The following HSDL1 variants were observed in gnomAD, a reference collection of about 807,000 sequenced individuals.
HSDL1 encodes hydroxysteroid dehydrogenase like 1.
HSDL1 carries 29 observed loss-of-function variants against 31.5 expected under a neutral mutation model. The ratio of observed to expected loss-of-function variants is 0.92; its 90% CI spans 0.69 to 1.26. The LOEUF (loss-of-function observed/expected upper bound fraction) is 1.26. Among genes scored for constraint, HSDL1 ranks in the 50% most tolerant of loss-of-function variants. The probability of loss-of-function intolerance (pLI) is 0.00; values close to 1 mark genes in which losing one functional copy is unlikely to be tolerated. For missense variants in HSDL1, 503 were observed against 416.6 expected (o/e 1.21, Z -1.81); for synonymous variants, 222 against 155.2 (o/e 1.43, Z -3.20).
rs1403595871 is a variant in HSDL1 at position 84,123,716 on chromosome 16, C to A, written c.*914G>T. 6.6e-6 allele frequency: 1 copy of A among 152,502 alleles called. No homozygotes were observed. Among genetic ancestry groups the A allele is most frequent in the Non-Finnish European group, 1.5e-5 (1 of 68,018 alleles). The allele number at this position is 152,502 out of a possible 1,614,324, so 9.4% of individuals were successfully genotyped here. The stretch of plus-strand genomic sequence containing the variant: ...AAAAACGTAGGAAAACCAGATATAA[C>A]AAGCTCTAAAGGGCTAAATTTCAGT... On this transcript the variant is annotated 3_prime_UTR_variant, in exon 6 of 6. Coordinates refer to ENST00000219439, the MANE Select transcript of HSDL1 (RefSeq NM_031463.5).
chr16:84,126,344 C>T (rs2086606676), intron 5 of HSDL1, among the ~76,000 whole-genome samples: 1 of 151,996 alleles, frequency 6.6e-6, no homozygotes, highest in African/African-American at 2.4e-5. Flanking sequence ...CAGGGTCTCA[C>T]TCAGGGCCTT....
At position 84,130,374 on chromosome 16, in the gene HSDL1, T is replaced by C. The variant is rs576079812; in HGVS notation, c.278A>G (p.Asn93Ser). 3.7e-6 allele frequency: 6 copies of C among 1,614,056 alleles called. No homozygotes were observed. Among genetic ancestry groups the C allele is most frequent in the South Asian group, 3.3e-5 (3 of 91,072 alleles). Residue 93 changes from asparagine (N) to serine (S), a missense_variant, in exon 4 of 6, where the codon AAT becomes AGT. Transcript: ENST00000219439. ...CTCGTTCCGACTAATCAGGATTATA[T>C]TGAGACCTCGGCTTGCTAACTCTTC... ...YAEELASRGLNIILISRNEEK... is the reference protein window; with the variant it reads ...YAEELASRGLSIILISRNEEK...
rs1233496732 is a variant in HSDL1 at position 84,122,965 on chromosome 16, A to G, written c.*1665T>C. 2 of 152,220 alleles carry G rather than the reference A, an allele frequency of 1.3e-5. No individual in the cohort carries two copies. Among genetic ancestry groups the G allele is most frequent in the Non-Finnish European group, 1.5e-5 (1 of 68,036 alleles). 9.4% of individuals were successfully genotyped at this position (152,220 alleles called of 1,614,324 possible). A position where few individuals can be genotyped will look rare whatever the true frequency, so the allele number is the denominator to read the frequency against. ...ATTACTGGACCACGTAACCTTACAT[A>G]TAACTACCTGACCATATTTTCACAT... is the stretch of plus-strand genomic sequence containing the variant. On this transcript the variant is annotated 3_prime_UTR_variant, in exon 6 of 6. Transcript: ENST00000219439.
chr16:84,125,727 T>G (rs949674050), intron 5 of HSDL1, among the ~76,000 whole-genome samples: 3 of 152,240 alleles, frequency 2.0e-5, no homozygotes, highest in Non-Finnish European at 4.4e-5. Context: ...CCCGACTTTC[T>G]GTAATGAGGC....
chr16:84,140,793 A>G (rs2086759112), intron 1 of HSDL1, among the ~76,000 whole-genome samples: 1 of 152,056 alleles, frequency 6.6e-6, no homozygotes, highest in Non-Finnish European at 1.5e-5. Flanking sequence ...TACCCCAAGC[A>G]TGTATTCTGA....
chr16:84,143,171 A>C (rs2086784546), intron 1 of HSDL1, among the ~76,000 whole-genome samples: 1 of 152,238 alleles, frequency 6.6e-6, no homozygotes, highest in African/African-American at 2.4e-5. Context: ...TGGCCTACTC[A>C]CAACTGCCAG....
In HSDL1 at chr16:84,129,713, T is replaced by A. The variant is rs755340119; in HGVS notation, c.729A>T (p.Val243=). The A allele has an allele frequency of 3.7e-6, 6 of 1,614,102 alleles. No homozygotes were observed. The Admixed American group carries it at 1.0e-4, about 27-fold the overall frequency. Residue 243 remains valine (V), a synonymous_variant, in exon 5 of 6, where the codon GTA becomes GTT. Transcript: ENST00000219439. ...CTACATAGAAAGGGATTAGACTCTG[T>A]ACAAAGATTCCTTTAGAGGCATATT... ...QYEYASKGIF[V]QSLIPFYVAT... is the part of the protein sequence containing the mutation.
At chr16:84,144,950 C>G (rs1567527963) in intron 1 of HSDL1, 130 bp downstream of exon 1, 1 of 147,906 alleles carries the variant, frequency 6.8e-6, no homozygotes, top group Non-Finnish European at 1.5e-5. Flanking sequence ...GGAGGGGGCC[C>G]GGGGCCTGGG....
Position 84,145,150 on chromosome 16 carries a change from C to T in HSDL1, c.-139G>A, listed in dbSNP as rs866773145. On this transcript the variant is annotated 5_prime_UTR_variant, in exon 1 of 6. Transcript: ENST00000219439. ...CGGCCGCCGCCCCCGTCTCGGCCGC[C>T]GGAGCTGCTGCCGCGCCGCGCCCTC... 2.8e-5 allele frequency: 6 copies of T among 217,532 alleles called. No homozygotes were observed. In the South Asian group the frequency reaches 5.4e-4, roughly 19 times the overall value. 13.5% of individuals were successfully genotyped at this position (217,532 alleles called of 1,614,324 possible). A position where few individuals can be genotyped will look rare whatever the true frequency, so the allele number is the denominator to read the frequency against.
At chr16:84,141,490 G>C (rs973461151) in intron 1 of HSDL1, among the ~76,000 whole-genome samples, 10 of 152,238 alleles carry the variant, frequency 6.6e-5, no homozygotes, top group Non-Finnish European at 1.5e-4. Context: ...TGCAGGGAGC[G>C]CTTGTCCCCA....
Position 84,123,103 on chromosome 16 carries a change from T to C in HSDL1, c.*1527A>G, listed in dbSNP as rs557897561. 2 of 152,320 alleles carry C rather than the reference T, an allele frequency of 1.3e-5. No individual in the cohort carries two copies. Among genetic ancestry groups the C allele is most frequent in the South Asian group, 2.1e-4 (1 of 4,832 alleles). The allele number at this position is 152,320 out of a possible 1,614,324, so 9.4% of individuals were successfully genotyped here. On this transcript the variant is annotated 3_prime_UTR_variant, in exon 6 of 6. Coordinates refer to ENST00000219439, the MANE Select transcript of HSDL1 (RefSeq NM_031463.5). ...GGGGCTCACAGCATCTCCCAGTGTG[T>C]AGATTTTCACATCTAAGTTCTGAAG...
chr16:84,140,879 G>A (rs1174020951), intron 1 of HSDL1, among the ~76,000 whole-genome samples: 2 of 152,034 alleles, frequency 1.3e-5, no homozygotes, highest in Admixed American at 6.5e-5. Flanking sequence ...CGAGGCGGGC[G>A]GATCACGAGG....
chr16:84,129,885 T>C (rs2086645569), intron 4 of HSDL1, 101 bp downstream of exon 4: 1 of 1,403,008 alleles, frequency 7.1e-7, no homozygotes, highest in Non-Finnish European at 9.8e-7. Flanking sequence ...AGGATAAGCA[T>C]ATGTGAGTTG....
chr16:84,128,401 A>T (rs1420838664), intron 5 of HSDL1, among the ~76,000 whole-genome samples: 1 of 152,194 alleles, frequency 6.6e-6, no homozygotes, highest in Non-Finnish European at 1.5e-5. Flanking sequence ...TTACGATCAC[A>T]ATTTCAAATA....
chr16:84,140,515 T>C (rs376780331), intron 1 of HSDL1, among the ~76,000 whole-genome samples: 8 of 152,094 alleles, frequency 5.3e-5, no homozygotes, highest in African/African-American at 1.7e-4. Flanking sequence ...TCCACCCACC[T>C]CGGCCTCCCA....
In HSDL1 at chr16:84,134,993, G is replaced by A. The variant is rs568757899; in HGVS notation, c.-7+551C>T. 2.0e-5 allele frequency among the ~76,000 whole-genome samples: 3 copies of A among 152,274 alleles called. No homozygotes were observed. In the South Asian group the frequency reaches 6.2e-4, roughly 32 times the overall value. ...TCGCGCCTGTAGTCCCAGCACTTTGGGAGGCCGAGACGGGCGGATCACGAG... is the reference window on the plus strand; with the variant it reads ...TCGCGCCTGTAGTCCCAGCACTTTGAGAGGCCGAGACGGGCGGATCACGAG... On this transcript the variant is annotated intron_variant, in intron 2 of 5. Transcript: ENST00000219439.
At chr16:84,138,998 A>G (rs148825225) in intron 1 of HSDL1, among the ~76,000 whole-genome samples, 3 of 152,360 alleles carry the variant, frequency 2.0e-5, no homozygotes, top group African/African-American at 7.2e-5. Context: ...TTCTGGGAGG[A>G]AAGTCTTGGC....
rs151253038 is a variant in HSDL1 at position 84,131,298 on chromosome 16, G to A, written c.24C>T (p.Tyr8=). MAAVDSF[Y]LLYREIARSC... ...ACCTGGCGATTTCCCTGTACAAGAG[G>A]TAGAAACTGTCAACAGCAGCCATGG... The change falls in exon 3 of 6, where the codon TAC becomes TAT. Residue 8 remains tyrosine (Y), a synonymous_variant. Transcript: ENST00000219439. 70 of 1,613,870 alleles carry A rather than the reference G, an allele frequency of 4.3e-5. No individual in the cohort carries two copies. The highest frequency in any genetic ancestry group is 5.7e-5 in the Non-Finnish European group (67 of 1,179,934).
rs146836389 is a variant in HSDL1 at position 84,133,708 on chromosome 16, G to A, written c.-7+1836C>T. Among the ~76,000 whole-genome samples the A allele has an allele frequency of 3.3e-5, 5 of 152,260 alleles. No individual in the cohort carries two copies. In the East Asian group the frequency reaches 5.8e-4, roughly 18 times the overall value. Reference sequence around the variant, plus strand: ...CATGCCACTGCGCTCCAGCCTGGGCGACAGAGTGAGACTCCATCTCGAAAC... The same window carrying A: ...CATGCCACTGCGCTCCAGCCTGGGCAACAGAGTGAGACTCCATCTCGAAAC... On this transcript the variant is annotated intron_variant, in intron 2 of 5. Transcript: ENST00000219439.
Sources: allele counts gnomAD v4.1 joint callset (sites outside exome capture counted in the v4.1 genomes callset), GRCh38; gene constraint gnomAD v4.1.1; transcripts MANE v1.5; gene names NCBI Gene and HGNC (gene_info 2026-07-23, HGNC 2026-07-21).